Variants in PPP2R2B observed in about 807,000 individuals in gnomAD.
The protein encoded by PPP2R2B is protein phosphatase 2 regulatory subunit Bbeta.
PPP2R2B carries 5 observed loss-of-function variants against 46.0 expected under a neutral mutation model. The ratio of observed to expected loss-of-function variants is 0.11; its 90% CI spans 0.06 to 0.23. The LOEUF is 0.23. Ranked by LOEUF, PPP2R2B falls within the 10% of genes least tolerant of loss-of-function variation. The pLI is 1.00. For synonymous variants in PPP2R2B, 215 were observed against 206.7 expected (o/e 1.04, Z -0.34); for missense variants, 367 against 575.0 (o/e 0.64, Z 3.70).
chr5:146,615,514 T>TAAAAAAAAAA (rs1561772287), intron 7 of PPP2R2B, among the ~76,000 whole-genome samples: 1 of 83,254 alleles, frequency 1.2e-5, no homozygotes, highest in Non-Finnish European at 2.3e-5. Flanking sequence ...AAAAAAAAAA[T>TAAAAAAAAAA]TAAAAAAAAA....
chr5:146,902,788 A>G (rs1480618024), intron 1 of PPP2R2B, among the ~76,000 whole-genome samples: 1 of 151,940 alleles, frequency 6.6e-6, no homozygotes, highest in Non-Finnish European at 1.5e-5. Flanking sequence ...ATACTTCCCA[A>G]TTCAGAGCAC....
At position 146,878,017 on chromosome 5, in the gene PPP2R2B, T is replaced by A. The variant is rs149163076; in HGVS notation, c.55A>T (p.Ser19Cys). 5 of 1,613,748 alleles carry A rather than the reference T, an allele frequency of 3.1e-6. No individual in the cohort carries two copies. Among genetic ancestry groups the A allele is most frequent in the Non-Finnish European group, 4.2e-6 (5 of 1,179,890 alleles). ...CTGGCGTTACCTTCGGTCGCATAGC[T>A]GTGGTCGCGCAGGAAACTGTTGTTG... is the stretch of plus-strand genomic sequence containing the variant. ...KINNSFLRDH[S>C]YATEADIIST... Residue 19 changes from serine (S) to cysteine (C), a missense_variant, in exon 2 of 10, where the codon AGC becomes TGC. Around this residue, in one of 2 missense-constraint regions of PPP2R2B, gnomAD observed 361 missense variants for 545.5 expected, o/e 0.66. Coordinates refer to ENST00000394411, the MANE Select transcript of PPP2R2B (RefSeq NM_181675.4). The surrounding 1 kb of genome is among the most constrained non-coding windows in gnomAD (Gnocchi z 4.5).
intron 2 of PPP2R2B, among the ~76,000 whole-genome samples, chr5:146,835,687 C>T (rs1759238304): frequency 6.6e-6 from 1 of 152,132 alleles, no homozygotes; most frequent in Non-Finnish European, 1.5e-5. Flanking sequence ...ACCCAGGTTC[C>T]AGAGCCAGCC....
rs905001520 is a variant in PPP2R2B at position 146,600,296 on chromosome 5, A to G, written c.955T>C (p.Tyr319His). The G allele has an allele frequency of 1.9e-6, 3 of 1,613,652 alleles. No individual in the cohort carries two copies. Among genetic ancestry groups the G allele is most frequent in the Non-Finnish European group, 2.5e-6 (3 of 1,179,774 alleles). Residue 319 changes from tyrosine (Y) to histidine (H), a missense_variant, in exon 8 of 10, where the codon TAC becomes CAC. Coordinates refer to ENST00000394411, the MANE Select transcript of PPP2R2B (RefSeq NM_181675.4). ...GGGTGCCTGGGGTTCTATACCTGGT[A>G]AGTCTCGATGGGGCGGTTTTCCATG... The part of the protein sequence containing the change: ...LNMENRPIET[Y>H]QVHDYLRSKL...
At chr5:146,825,856 T>G (rs950874445) in intron 2 of PPP2R2B, among the ~76,000 whole-genome samples, 1 of 152,232 alleles carries the variant, frequency 6.6e-6, no homozygotes, top group African/African-American at 2.4e-5. Context: ...TTTTTGTTGT[T>G]GGTATCACAT....
At chr5:146,765,863 C>T (rs1216597090) in intron 2 of PPP2R2B, among the ~76,000 whole-genome samples, 4 of 152,162 alleles carry the variant, frequency 2.6e-5, no homozygotes, top group African/African-American at 4.8e-5. Flanking sequence ...CCCTGACACA[C>T]GTATGCCTTC....
intron 2 of PPP2R2B, among the ~76,000 whole-genome samples, chr5:146,761,584 T>C (rs1000406445): frequency 8.5e-5 from 13 of 152,104 alleles, no homozygotes; most frequent in Non-Finnish European, 1.6e-4. Flanking sequence ...AACCTGCACG[T>C]TGTGCACATG....
intron 8 of PPP2R2B, among the ~76,000 whole-genome samples, chr5:146,596,784 A>G (rs1349482972): frequency 6.6e-6 from 1 of 152,184 alleles, no homozygotes; most frequent in African/African-American, 2.4e-5. Context: ...AGGAGACAGG[A>G]ACACTAAATA....
intron 1 of PPP2R2B, among the ~76,000 whole-genome samples, chr5:147,018,470 AT>A (rs1350789585): frequency 6.6e-6 from 1 of 152,144 alleles, no homozygotes; most frequent in Non-Finnish European, 1.5e-5. Flanking sequence ...TTTTATATAT[AT>A]TTTTTAAAAA....
Position 146,878,422 on chromosome 5 carries a change from T to C in PPP2R2B, c.-125+169A>G. The C allele has an allele frequency of 8.1e-7, 1 of 1,234,764 alleles. No individual in the cohort carries two copies. Among genetic ancestry groups the C allele is most frequent in the South Asian group, 1.6e-5 (1 of 61,374 alleles). The allele number at this position is 1,234,764 out of a possible 1,614,324, so 76.5% of individuals were successfully genotyped here. ...TCCCGCCCGCCCGCCCCGGAGGCGCTCACAAGCGGGTCTGGGGAGATGCCC... is the reference window on the plus strand; with the variant it reads ...TCCCGCCCGCCCGCCCCGGAGGCGCCCACAAGCGGGTCTGGGGAGATGCCC... On this transcript the variant is annotated intron_variant, in intron 1 of 9. Coordinates refer to ENST00000394411, the MANE Select transcript of PPP2R2B (RefSeq NM_181675.4). This position sits in a 1 kb window ranked among gnomAD's most constrained non-coding sequence, Gnocchi z 4.5.
intron 5 of PPP2R2B, among the ~76,000 whole-genome samples, chr5:146,658,553 A>G (rs1015835541): frequency 1.3e-5 from 2 of 152,190 alleles, no homozygotes; most frequent in Non-Finnish European, 2.9e-5. Context: ...TCCCCTAGGA[A>G]CAGCAGTGGT....
intron 5 of PPP2R2B, 37 bp downstream of exon 5, chr5:146,691,091 C>G: frequency 1.3e-6 from 2 of 1,586,160 alleles, no homozygotes; most frequent in Admixed American, 3.4e-5. Flanking sequence ...GAGACCTGCC[C>G]CTGACTGTGG....
At chr5:146,879,563 A>C (rs1762095773), upstream of PPP2R2B, among the ~76,000 whole-genome samples, 1 of 152,158 alleles carries the variant, frequency 6.6e-6, no homozygotes, top group South Asian at 2.1e-4. Context: ...CCCTGTGCCC[A>C]CAGAGAGCCA....
At position 146,586,728 on chromosome 5, in the gene PPP2R2B, T is replaced by TC. The variant is rs1357136286; in HGVS notation, c.*3218dup. 1 of 152,176 alleles carries TC rather than the reference T, an allele frequency of 6.6e-6. No individual in the cohort carries two copies. The highest frequency in any genetic ancestry group is 1.5e-5 in the Non-Finnish European group (1 of 68,032). 9.4% of individuals were successfully genotyped at this position (152,176 alleles called of 1,614,324 possible). A position where few individuals can be genotyped will look rare whatever the true frequency, so the allele number is the denominator to read the frequency against. The stretch of plus-strand genomic sequence containing the variant: ...TGAGAGGTTTAAAGGTGCTTTTTTT[T>TC]CAATGGAAGAGTAAAGGCAGGAGCC... On this transcript the variant is annotated 3_prime_UTR_variant, in exon 10 of 10. Coordinates refer to ENST00000394411, the MANE Select transcript of PPP2R2B (RefSeq NM_181675.4).
intron 2 of PPP2R2B, chr5:146,856,728 G>C (rs1219463916): frequency 1.6e-6 from 1 of 641,082 alleles, no homozygotes; most frequent in Non-Finnish European, 2.7e-6. Flanking sequence ...CAAAATCCAG[G>C]CTAACAAGGT....
At chr5:147,038,316 CA>C in intron 1 of PPP2R2B, among the ~76,000 whole-genome samples, 1 of 152,204 alleles carries the variant, frequency 6.6e-6, no homozygotes, top group East Asian at 1.9e-4. Context: ...TATGAAAAAT[CA>C]GGGAAAGGAG....
intron 5 of PPP2R2B, among the ~76,000 whole-genome samples, chr5:146,661,853 C>T (rs1776694007): frequency 6.6e-6 from 1 of 152,034 alleles, no homozygotes; most frequent in East Asian, 1.9e-4. Context: ...CTGTTATTTC[C>T]TTTGATGTTT....
At chr5:146,605,352 C>A (rs921174812) in intron 7 of PPP2R2B, among the ~76,000 whole-genome samples, 6 of 152,156 alleles carry the variant, frequency 3.9e-5, no homozygotes, top group Non-Finnish European at 8.8e-5. Context: ...TCCCTCCCAG[C>A]TGTTGGATTC....
At chr5:146,925,695 T>C (rs1763759789) in intron 1 of PPP2R2B, among the ~76,000 whole-genome samples, 1 of 152,186 alleles carries the variant, frequency 6.6e-6, no homozygotes, top group South Asian at 2.1e-4. Context: ...AATCAAATTT[T>C]GGAAGTTTTG....
Sources: gnomAD v4.1 joint callset for allele counts (sites outside exome capture counted in the v4.1 genomes callset) on GRCh38, gnomAD v4.1.1 for gene constraint, gnomAD v4.1.1 regional missense constraint, Gnocchi (gnomAD v3.1) non-coding constraint, MANE v1.5 for transcripts, NCBI Gene and HGNC (gene_info 2026-07-23, HGNC 2026-07-21) for gene names.